The following SNX19 variants were observed in gnomAD, a reference collection of about 807,000 sequenced individuals.
The protein encoded by SNX19 is sorting nexin-19.
A neutral mutation model predicts 85.2 loss-of-function variants in SNX19; 60 were observed. The observed-to-expected ratio is 0.70, with a 90% CI of 0.57 to 0.87. The LOEUF (loss-of-function observed/expected upper bound fraction) is 0.87, where lower values mean the gene tolerates loss of function less well. SNX19 is among the 40% of genes least tolerant of loss of function. The pLI is 0.00. For synonymous variants in SNX19, 520 were observed against 470.0 expected (o/e 1.11, Z -1.38); for missense variants, 1,201 against 1,217.8 (o/e 0.99, Z 0.21).
In SNX19 at chr11:130,878,297, G is replaced by C; in HGVS notation, c.*125C>G. On this transcript the variant is annotated 3_prime_UTR_variant, in exon 11 of 11. Coordinates refer to ENST00000265909, the MANE Select transcript of SNX19 (RefSeq NM_014758.3). Reference sequence around the variant, plus strand: ...AATGGAGCAGAAGTGGGAGAGAAGTGAGCCACCGAGAACCTAGGCCTTCTT... The same window carrying C: ...AATGGAGCAGAAGTGGGAGAGAAGTCAGCCACCGAGAACCTAGGCCTTCTT... 1 of 1,076,120 alleles carries C rather than the reference G, an allele frequency of 9.3e-7. No homozygotes were observed. Among genetic ancestry groups the C allele is most frequent in the Non-Finnish European group, 1.3e-6 (1 of 765,140 alleles). 66.7% of individuals were successfully genotyped at this position (1,076,120 alleles called of 1,614,324 possible). A position where few individuals can be genotyped will look rare whatever the true frequency, so the allele number is the denominator to read the frequency against.
At chr11:130,897,360 T>A (rs529629949) in intron 8 of SNX19, among the ~76,000 whole-genome samples, 1 of 151,298 alleles carries the variant, frequency 6.6e-6, no homozygotes, top group South Asian at 2.1e-4. Flanking sequence ...ACACACACAC[T>A]CTGTCTCTAT....
chr11:130,896,110 G>A (rs7110949), intron 8 of SNX19, among the ~76,000 whole-genome samples: 1 of 152,018 alleles, frequency 6.6e-6, no homozygotes, highest in African/African-American at 2.4e-5. Flanking sequence ...CAGAAAATAA[G>A]CGAGAATTCT....
At chr11:130,894,279 G>C (rs745485503) in intron 8 of SNX19, among the ~76,000 whole-genome samples, 1 of 152,206 alleles carries the variant, frequency 6.6e-6, no homozygotes, top group Non-Finnish European at 1.5e-5. Context: ...TGTTCTGAAT[G>C]AATCAGCTCC....
Position 130,907,938 on chromosome 11 carries a change from CT to C in SNX19, c.2165+14del, listed in dbSNP as rs1457172561. On this transcript the variant is annotated intron_variant, in intron 5 of 10. Transcript: ENST00000265909. ...GAACTGGGGAAAGGTCCCTGGGTAA[CT>C]GAGGGCTTCTCACTTGCTAGCCTTC... The C allele has an allele frequency of 6.2e-7, 1 of 1,612,688 alleles. No individual in the cohort carries two copies. The highest frequency in any genetic ancestry group is 8.5e-7 in the Non-Finnish European group (1 of 1,179,756).
At chr11:130,898,114 T>C (rs564004501) in intron 8 of SNX19, among the ~76,000 whole-genome samples, 3 of 151,754 alleles carry the variant, frequency 2.0e-5, no homozygotes, top group African/African-American at 7.2e-5. Context: ...CTTCCAACTT[T>C]GGCTTAGAAG....
At position 130,876,268 on chromosome 11, in the gene SNX19, T is replaced by A. The variant is rs1001920552; in HGVS notation, c.*2154A>T. The A allele has an allele frequency of 6.6e-6, 1 of 152,238 alleles. No individual in the cohort carries two copies. The highest frequency in any genetic ancestry group is 2.4e-5 in the African/African-American group (1 of 41,440). The allele number at this position is 152,238 out of a possible 1,614,324, so 9.4% of individuals were successfully genotyped here. A position where few individuals can be genotyped will look rare whatever the true frequency, so the allele number is the denominator to read the frequency against. On this transcript the variant is annotated 3_prime_UTR_variant, in exon 11 of 11. Coordinates refer to ENST00000265909, the MANE Select transcript of SNX19 (RefSeq NM_014758.3). The stretch of plus-strand genomic sequence containing the variant: ...TGGCTCTCTACCAATTGTTACTCTC[T>A]TGTTGTCTGAACCTGCTAGCCAAAC...
chr11:130,868,126 C>T lies in SNX19; in HGVS notation c.*10296G>A, dbSNP rs181575617. On this transcript the variant is annotated 3_prime_UTR_variant, in exon 11 of 11. Transcript: ENST00000265909. ...TGAGTCTCAAAGATAGTAAGAATCA[C>T]CTGTTTTCTCGTGGTAAGAAGGTGC... is the stretch of plus-strand genomic sequence containing the variant. 6.6e-6 allele frequency: 1 copy of T among 152,132 alleles called. No homozygotes were observed. The highest frequency in any genetic ancestry group is 1.5e-5 in the Non-Finnish European group (1 of 68,038). The allele number at this position is 152,132 out of a possible 1,614,324, so 9.4% of individuals were successfully genotyped here.
In SNX19 at chr11:130,880,717, C is replaced by T; in HGVS notation, c.2663G>A (p.Gly888Glu). The change falls in exon 9 of 11, where the codon GGA becomes GAA. Residue 888 changes from glycine (G) to glutamate (E), a missense_variant. Around this residue, in one of 3 missense-constraint regions of SNX19, gnomAD observed 285 missense variants for 295.3 expected, o/e 0.97. Transcript: ENST00000265909. ...LLLQESIWPG[G>E]VLPKFPRPVR... is the part of the protein sequence containing the mutation. Reference sequence around the variant, plus strand: ...GGGCCGTGGAAACTTAGGCAAAACTCCACCAGGCCAGATGGACTCCTGAAG... The same window carrying T: ...GGGCCGTGGAAACTTAGGCAAAACTTCACCAGGCCAGATGGACTCCTGAAG... 6.2e-7 allele frequency: 1 copy of T among 1,612,364 alleles called. No individual in the cohort carries two copies. Among genetic ancestry groups the T allele is most frequent in the Non-Finnish European group, 8.5e-7 (1 of 1,178,676 alleles).
Position 130,906,122 on chromosome 11 carries a change from A to G in SNX19, c.2274T>C (p.Thr758=), listed in dbSNP as rs145567622. ...AAGATTCCATCGCAGACATGGATAG[A>G]GTCTCAGACTCCTAAGAAATAGTCA... ...CLQEGNVESE[T]LSMSAMESFI... is the part of the protein sequence containing the mutation. Residue 758 remains threonine (T), a synonymous_variant, in exon 7 of 11, where the codon ACT becomes ACC. Coordinates refer to ENST00000265909, the MANE Select transcript of SNX19 (RefSeq NM_014758.3). 12 of 1,613,670 alleles carry G rather than the reference A, an allele frequency of 7.4e-6. No individual in the cohort carries two copies. Among genetic ancestry groups the G allele is most frequent in the Non-Finnish European group, 9.3e-6 (11 of 1,179,850 alleles).
Position 130,880,759 on chromosome 11 carries a change from A to C in SNX19, c.2621T>G (p.Val874Gly), listed in dbSNP as rs777559818. Residue 874 changes from valine to glycine, a missense_variant, in exon 9 of 11, where the codon GTG (valine) becomes GGG (glycine). Physicochemically the swap from Val to Gly is moderately radical, Grantham distance 109. This residue lies in a region of SNX19 where 285 missense variants were observed against 295.3 expected (regional missense o/e 0.97). Coordinates refer to ENST00000265909, the MANE Select transcript of SNX19 (RefSeq NM_014758.3). ...CTCCTGAAGAAGCAGGAGGTACTGC[A>C]CCCAGCGCTGTGGACTTGTTAAATT... ...VANLTSPQRW[V>G]QYLLLLQESI... The C allele has an allele frequency of 5.6e-6, 9 of 1,601,290 alleles. No homozygotes were observed. Among genetic ancestry groups the C allele is most frequent in the Non-Finnish European group, 7.7e-6 (9 of 1,170,438 alleles).
Position 130,903,251 on chromosome 11 carries a change from T to C in SNX19, c.2573+4A>G. 1 of 1,613,660 alleles carries C rather than the reference T, an allele frequency of 6.2e-7. No homozygotes were observed. Among genetic ancestry groups the C allele is most frequent in the Non-Finnish European group, 8.5e-7 (1 of 1,179,612 alleles). ...TGATGTGAGGGAGAATTCAGCAGTC[T>C]TACCTTTGAACTAGGGTCCCAAAGA... On this transcript the variant is annotated splice_donor_region_variant and intron_variant, in intron 8 of 10. Transcript: ENST00000265909.
chr11:130,871,801 C>T lies in SNX19; in HGVS notation c.*6621G>A, dbSNP rs1943038735. Among the ~76,000 whole-genome samples, 1 of 152,234 alleles carries T rather than the reference C, an allele frequency of 6.6e-6. No individual in the cohort carries two copies. The highest frequency in any genetic ancestry group is 3.4e-3 in the Middle Eastern group (1 of 294). ...AACAGGGTGCAGCAGTAACATGGAA[C>T]ATAAGGTGGGAAAAAAGACAAAAGT... On this transcript the variant is annotated 3_prime_UTR_variant, in exon 11 of 11. Transcript: ENST00000265909.
chr11:130,907,975 TCTGGGG>T lies in SNX19; in HGVS notation c.2137_2142del (p.Pro713_Gln714del). 1 of 1,614,140 alleles carries T rather than the reference TCTGGGG, an allele frequency of 6.2e-7. No individual in the cohort carries two copies. Among genetic ancestry groups the T allele is most frequent in the Non-Finnish European group, 8.5e-7 (1 of 1,180,024 alleles). On this transcript the variant is annotated inframe_deletion, in exon 5 of 11. Transcript: ENST00000265909. ...CACTTGCTAGCCTTCTTGCCTTCTG[TCTGGGG>T]CTTGCTTTCGGTCTCGGCCTCACTC...
At position 130,884,400 on chromosome 11, in the gene SNX19, G is replaced by GAT. The variant is rs201730982; in HGVS notation, c.2574-3595_2574-3594insAT. Among the ~76,000 whole-genome samples the GAT allele has an allele frequency of 9.7e-3, 1,471 of 152,210 alleles. 24 individuals are homozygous for GAT. The highest frequency in any genetic ancestry group is 0.032 in the African/African-American group (1,348 of 41,514). ...TTAAAAAGAGATTCGTAACCCTATAGAGCTCTCTTTAAGTGGAAGGGATGG... is the reference window on the plus strand; with the variant it reads ...TTAAAAAGAGATTCGTAACCCTATAGATAGCTCTCTTTAAGTGGAAGGGATGG... On this transcript the variant is annotated intron_variant, in intron 8 of 10. Transcript: ENST00000265909.
chr11:130,878,676 C>A, intron 10 of SNX19, 122 bp from the exon 11 acceptor site: 1 of 1,206,400 alleles, frequency 8.3e-7, no homozygotes, highest in Non-Finnish European at 1.1e-6. Context: ...CTTGATGAAA[C>A]CTCTGCCATG....
intron 7 of SNX19, 118 bp downstream of exon 7, chr11:130,905,835 C>T (rs1400346432): frequency 2.6e-6 from 4 of 1,566,586 alleles, no homozygotes; most frequent in Non-Finnish European, 2.6e-6. Context: ...GAGTTCAACA[C>T]ATGGCATGCT....
chr11:130,899,730 TA>T (rs1001646302), intron 8 of SNX19, among the ~76,000 whole-genome samples: 48 of 152,340 alleles, frequency 3.2e-4, no homozygotes, highest in Admixed American at 3.1e-3. Context: ...TGGAAATATG[TA>T]CAATGAACCA....
chr11:130,900,089 A>G (rs1275233124), intron 8 of SNX19, among the ~76,000 whole-genome samples: 1 of 152,202 alleles, frequency 6.6e-6, no homozygotes, highest in East Asian at 1.9e-4. Flanking sequence ...TGTCAGGGAC[A>G]GGAATGGAAA....
In SNX19 at chr11:130,915,052, C is replaced by T. The variant is rs1946442959; in HGVS notation, c.888G>A (p.Glu296=). ...SVPTSLPLIA[E]VEQLPEGRAS... is the part of the protein sequence containing the mutation. ...CTCTCCCTTCTGGAAGCTGCTCTAC[C>T]TCAGCAATCAGTGGCAGAGATGTCG... The change falls in exon 1 of 11, where the codon GAG becomes GAA. Residue 296 remains glutamate (E), a synonymous_variant. Coordinates refer to ENST00000265909, the MANE Select transcript of SNX19 (RefSeq NM_014758.3). 1 of 1,614,134 alleles carries T rather than the reference C, an allele frequency of 6.2e-7. No homozygotes were observed.
Sources: gnomAD v4.1 joint callset for allele counts (sites outside exome capture counted in the v4.1 genomes callset) on GRCh38, gnomAD v4.1.1 for gene constraint, gnomAD v4.1.1 regional missense constraint, MANE v1.5 for transcripts, NCBI Gene and HGNC (gene_info 2026-07-23, HGNC 2026-07-21) for gene names.